RO60: variants seen among roughly 807,000 people sequenced by gnomAD.
RO60 encodes RNA-binding protein RO60.
Under a neutral mutation model 55.3 loss-of-function variants are expected in RO60, and 20 were observed. The observed-to-expected ratio is 0.36, with a 90% CI of 0.25 to 0.53. The LOEUF is 0.53. Among genes scored for constraint, RO60 ranks in the 20% least tolerant of loss-of-function variants. RO60 has a pLI of 0.92. For missense variants in RO60, 558 were observed against 646.6 expected, an observed-to-expected ratio of 0.86 and a Z score of 1.49; for synonymous variants, 213 against 213.6, an observed-to-expected ratio of 1.00 and a Z score of 0.02.
At chr1:193,069,822 A>G (rs1041939675) in intron 2 of RO60, among the ~76,000 whole-genome samples, 188 bp downstream of exon 2, 2 of 152,234 alleles carry the variant, frequency 1.3e-5, no homozygotes, top group African/African-American at 2.4e-5. Context: ...CGATCCAGAC[A>G]TTAATAATCA....
Position 193,076,629 on chromosome 1 carries a change from T to C in RO60, c.930T>C (p.Asn310=). 3.7e-6 allele frequency: 6 copies of C among 1,601,782 alleles called. No individual in the cohort carries two copies. Among genetic ancestry groups the C allele is most frequent in the South Asian group, 1.1e-5 (1 of 88,406 alleles). Residue 310 remains asparagine, a synonymous_variant, in exon 4 of 9, where the codon AAT becomes AAC. Transcript: ENST00000400968. ...EVSLVCEKLC[N]EKLLKKARIH... is the part of the protein sequence containing the mutation. ...CTTTAGTATGTGAAAAACTGTGTAA[T>C]GAAAAACTATTAAAAAAGGTAAGCA... is the stretch of plus-strand genomic sequence containing the variant.
At chr1:193,062,687 C>A (rs926299583) in intron 1 of RO60, among the ~76,000 whole-genome samples, 1 of 152,198 alleles carries the variant, frequency 6.6e-6, no homozygotes, top group African/African-American at 2.4e-5. Context: ...AGTGTTCCCC[C>A]ACTCCGACAG....
chr1:193,062,436 C>G (rs1572055211), intron 1 of RO60, among the ~76,000 whole-genome samples: 1 of 152,256 alleles, frequency 6.6e-6, no homozygotes, highest in South Asian at 2.1e-4. Context: ...TAGATAATAG[C>G]AGAGTTAAGT....
intron 2 of RO60, chr1:193,070,528 CTTTTTT>C: frequency 5.5e-6 from 2 of 365,898 alleles, no homozygotes; most frequent in Non-Finnish European, 1.1e-5. Context: ...CAAAATTTGA[CTTTTTT>C]TTTTTTTTTG....
chr1:193,068,232 G>T (rs1391158123), intron 1 of RO60, among the ~76,000 whole-genome samples: 1 of 152,218 alleles, frequency 6.6e-6, no homozygotes, highest in East Asian at 1.9e-4. Flanking sequence ...AGCAGCAGCA[G>T]CTGGGAACTT....
rs532117033 is a variant in RO60 at position 193,075,742 on chromosome 1, A to C, written c.581-78A>C. 5 of 1,041,788 alleles carry C rather than the reference A, an allele frequency of 4.8e-6. No homozygotes were observed. In the South Asian group the frequency reaches 7.8e-5, roughly 16 times the overall value. 64.5% of individuals were successfully genotyped at this position (1,041,788 alleles called of 1,614,324 possible). A position where few individuals can be genotyped will look rare whatever the true frequency, so the allele number is the denominator to read the frequency against. ...GTGTATCCAGTTATGTTGATCATAT[A>C]ATGCATTTTGAGGAAACATGTTCTG... On this transcript the variant is annotated intron_variant, in intron 2 of 8. Transcript: ENST00000400968.
intron 2 of RO60, among the ~76,000 whole-genome samples, chr1:193,073,043 A>G (rs1673630831): frequency 6.6e-6 from 1 of 152,246 alleles, no homozygotes. Flanking sequence ...ATGTGTATTT[A>G]TAACAGACAA....
Position 193,059,624 on chromosome 1 carries a change from G to C in RO60, c.-174G>C, listed in dbSNP as rs1215259348. 1 of 1,411,302 alleles carries C rather than the reference G, an allele frequency of 7.1e-7. No individual in the cohort carries two copies. The highest frequency in any genetic ancestry group is 9.5e-7 in the Non-Finnish European group (1 of 1,052,646). The allele number at this position is 1,411,302 out of a possible 1,614,324, so 87.4% of individuals were successfully genotyped here. On this transcript the variant is annotated 5_prime_UTR_variant, in exon 1 of 9. Transcript: ENST00000400968. This position sits in a 1 kb window ranked among gnomAD's most constrained non-coding sequence, Gnocchi z 4.9. ...GAAGAGGGGCAGGACTCGTTCCCGG[G>C]AACCGAACCTGGAATCCCCGGCGGC...
In RO60 at chr1:193,085,226, A is replaced by AC; in HGVS notation, c.*495_*496insC. 8.5e-7 allele frequency: 1 copy of AC among 1,175,468 alleles called. No individual in the cohort carries two copies. Among genetic ancestry groups the AC allele is most frequent in the Non-Finnish European group, 1.1e-6 (1 of 949,812 alleles). The allele number at this position is 1,175,468 out of a possible 1,614,324, so 72.8% of individuals were successfully genotyped here. A position where few individuals can be genotyped will look rare whatever the true frequency, so the allele number is the denominator to read the frequency against. On this transcript the variant is annotated 3_prime_UTR_variant, in exon 9 of 9. Transcript: ENST00000400968. The stretch of plus-strand genomic sequence containing the variant: ...TTTATACCAAGGGGGTAAAAAAAAA[A>AC]ACTAAGGCATTTGATTAAATTATGA...
At chr1:193,077,089 G>C in intron 5 of RO60, 39 bp downstream of exon 5, 1 of 1,553,502 alleles carries the variant, frequency 6.4e-7, no homozygotes, top group Non-Finnish European at 8.8e-7. Flanking sequence ...AATGACTGAA[G>C]ACTTAATATC....
Position 193,084,946 on chromosome 1 carries a change from T to A in RO60, c.*215T>A. On this transcript the variant is annotated 3_prime_UTR_variant, in exon 9 of 9. Transcript: ENST00000400968. ...AGCTCTTGGGGAAATAGCTTCAGGATACTGTAGTTTCCTCTATCTAATAGA... is the reference window on the plus strand; with the variant it reads ...AGCTCTTGGGGAAATAGCTTCAGGAAACTGTAGTTTCCTCTATCTAATAGA... 6.5e-7 allele frequency: 1 copy of A among 1,533,004 alleles called. No individual in the cohort carries two copies. Among genetic ancestry groups the A allele is most frequent in the East Asian group, 2.4e-5 (1 of 40,826 alleles). 95.0% of individuals were successfully genotyped at this position (1,533,004 alleles called of 1,614,324 possible).
chr1:193,091,581 AATGT>A (rs1175728961), downstream of RO60: 2 of 1,222,350 alleles, frequency 1.6e-6, no homozygotes, highest in African/African-American at 3.0e-5. Flanking sequence ...TGAATATATT[AATGT>A]ATTACATTTG....
intron 2 of RO60, among the ~76,000 whole-genome samples, chr1:193,072,209 G>C (rs1673566195): frequency 6.6e-6 from 1 of 152,124 alleles, no homozygotes; most frequent in East Asian, 1.9e-4. Flanking sequence ...TCACCATGTT[G>C]GTAATGCTGG....
chr1:193,065,385 T>G (rs1445889739), intron 1 of RO60, among the ~76,000 whole-genome samples: 1 of 152,194 alleles, frequency 6.6e-6, no homozygotes, highest in Non-Finnish European at 1.5e-5. Context: ...TCCCACCACT[T>G]GGGCCTTGGT....
Position 193,069,232 on chromosome 1 carries a change from G to T in RO60, c.178G>T (p.Ala60Ser), listed in dbSNP as rs1355461057. Residue 60 changes from alanine to serine, a missense_variant, in exon 2 of 9, where the codon GCT (alanine) becomes TCT (serine). By Grantham distance (99) the Ala-to-Ser change is moderately conservative. Transcript: ENST00000400968. ...GAAGTTGGGCCTTGAAAATGCTGAA[G>T]CTTTAATTAGATTGATTGAAGATGG... is the stretch of plus-strand genomic sequence containing the variant. ...EQKLGLENAE[A>S]LIRLIEDGRG... is the part of the protein sequence containing the mutation. The T allele has an allele frequency of 3.7e-6, 6 of 1,614,098 alleles. No individual in the cohort carries two copies. In the Admixed American group the frequency reaches 8.3e-5, roughly 22 times the overall value.
intron 8 of RO60, among the ~76,000 whole-genome samples, chr1:193,083,857 A>T (rs1674483836): frequency 6.6e-6 from 1 of 152,208 alleles, no homozygotes; most frequent in Non-Finnish European, 1.5e-5. Flanking sequence ...AAGCACTGAG[A>T]TTACAGCCAT....
intron 8 of RO60, among the ~76,000 whole-genome samples, chr1:193,083,996 C>G (rs550186435): frequency 6.6e-6 from 1 of 152,216 alleles, no homozygotes; most frequent in Non-Finnish European, 1.5e-5. Context: ...AGTTACTTAC[C>G]TCTTAGAGTT....
chr1:193,074,340 T>A (rs1057487762), intron 2 of RO60, among the ~76,000 whole-genome samples: 15 of 152,236 alleles, frequency 9.9e-5, no homozygotes, highest in African/African-American at 3.6e-4. Flanking sequence ...TGAACTAGTT[T>A]ACAGTCCCAC....
Position 193,082,297 on chromosome 1 carries a change from C to A in RO60, c.1315C>A (p.Gln439Lys). The change falls in exon 7 of 9, where the codon CAG (glutamine) becomes AAG (lysine). Residue 439 changes from glutamine (Q) to lysine (K), a missense_variant and splice_region_variant. Transcript: ENST00000400968. ...ACAACAGGTTTTAATGGCTATGAGT[C>A]AGGTAAGAAACTGTGTTTTTTAAGT... is the stretch of plus-strand genomic sequence containing the variant. ...TLQQVLMAMS[Q>K]IPAGGTDCSL... The A allele has an allele frequency of 6.3e-7, 1 of 1,593,748 alleles. No individual in the cohort carries two copies. Among genetic ancestry groups the A allele is most frequent in the South Asian group, 1.1e-5 (1 of 87,786 alleles).
Sources: allele counts gnomAD v4.1 joint callset (sites outside exome capture counted in the v4.1 genomes callset), GRCh38; gene constraint gnomAD v4.1.1; non-coding constraint Gnocchi (gnomAD v3.1); transcripts MANE v1.5; gene names NCBI Gene and HGNC (gene_info 2026-07-23, HGNC 2026-07-21).